N4BP2: variants seen among roughly 807,000 people sequenced by gnomAD.
N4BP2 encodes the protein NEDD4-binding protein 2.
Under a neutral mutation model 152.8 loss-of-function variants are expected in N4BP2, and 91 were observed. The ratio of observed to expected loss-of-function variants is 0.60; its 90% CI spans 0.50 to 0.71. The LOEUF is 0.71. Among genes scored for constraint, N4BP2 ranks in the 30% least tolerant of loss-of-function variants. N4BP2 has a pLI of 0.00. For missense variants in N4BP2, 1,923 were observed against 2,059.1 expected, an observed-to-expected ratio of 0.93 and a Z score of 1.28; for synonymous variants, 646 against 705.3, an observed-to-expected ratio of 0.92 and a Z score of 1.33.
intron 12 of N4BP2, 113 bp downstream of exon 12, chr4:40,126,443 T>A (rs186315806): frequency 1.9e-6 from 1 of 530,292 alleles, no homozygotes; most frequent in East Asian, 3.4e-5. Flanking sequence ...TTTAACCTGA[T>A]TGAATTTAAT....
chr4:40,063,426 A>G (rs1733808949), intron 1 of N4BP2, among the ~76,000 whole-genome samples: 1 of 152,104 alleles, frequency 6.6e-6, no homozygotes, highest in South Asian at 2.1e-4. Flanking sequence ...AGGGGTATCA[A>G]CTAGAACCTT....
At chr4:40,069,270 T>C (rs1711897414) in intron 1 of N4BP2, among the ~76,000 whole-genome samples, 1 of 151,576 alleles carries the variant, frequency 6.6e-6, no homozygotes, top group Admixed American at 6.6e-5. Flanking sequence ...AAACTCCGTT[T>C]CTACAAAAAA....
the N4BP2 span, among the ~76,000 whole-genome samples, chr4:40,180,159 T>A: frequency 6.6e-6 from 1 of 152,188 alleles, no homozygotes; most frequent in Middle Eastern, 3.2e-3. Context: ...GACTGAGAGA[T>A]AATGTCTGTA....
intron 13 of N4BP2, among the ~76,000 whole-genome samples, chr4:40,136,343 A>AATCT (rs56276709): frequency 0.22 from 30,586 of 136,520 alleles, 3,370 homozygotes; most frequent in Non-Finnish European, 0.25. Flanking sequence ...TTAGAAATTG[A>AATCT]ATCTATCTAT....
intron 2 of N4BP2, among the ~76,000 whole-genome samples, chr4:40,078,144 T>TGG (rs972776640): frequency 6.6e-6 from 1 of 151,714 alleles, no homozygotes; most frequent in Admixed American, 6.6e-5. Flanking sequence ...TGTGTGTGTG[T>TGG]GTGTATGTGT....
chr4:40,154,246 T>A lies in N4BP2; in HGVS notation c.*9T>A. 6.3e-7 allele frequency: 1 copy of A among 1,580,524 alleles called. No individual in the cohort carries two copies. The highest frequency in any genetic ancestry group is 8.6e-7 in the Non-Finnish European group (1 of 1,157,788). ...AAGTCATGCTAAAGTAAAATAAACATCCTTGAATTAGAAGTATGAAGGTTT... is the reference window on the plus strand; with the variant it reads ...AAGTCATGCTAAAGTAAAATAAACAACCTTGAATTAGAAGTATGAAGGTTT... On this transcript the variant is annotated 3_prime_UTR_variant, in exon 18 of 18. Coordinates refer to ENST00000261435, the MANE Select transcript of N4BP2 (RefSeq NM_018177.6).
chr4:40,186,408 G>A, the N4BP2 span, among the ~76,000 whole-genome samples: 3 of 152,158 alleles, frequency 2.0e-5, no homozygotes, highest in Non-Finnish European at 1.5e-5. Flanking sequence ...CTTTTCATCT[G>A]GTTCATCTAA....
At position 40,070,081 on chromosome 4, in the gene N4BP2, T is replaced by C. The variant is rs571661103; in HGVS notation, c.-211-3374T>C. On this transcript the variant is annotated intron_variant, in intron 1 of 17. Transcript: ENST00000261435. ...AAAACTTTCATTAGGAAAATAGAGA[T>C]ATAGAAAAGTAGTATGATACATTGA... is the stretch of plus-strand genomic sequence containing the variant. Among the ~76,000 whole-genome samples, 50 of 152,272 alleles carry C rather than the reference T, an allele frequency of 3.3e-4. No homozygotes were observed. The South Asian group carries it at 9.3e-3, about 28-fold the overall frequency.
chr4:40,072,184 T>G (rs1578952846), intron 1 of N4BP2, among the ~76,000 whole-genome samples: 1 of 151,130 alleles, frequency 6.6e-6, no homozygotes, highest in African/African-American at 2.4e-5. Context: ...AAGTGATTCT[T>G]GTGCGTCAGC....
intron 1 of N4BP2, among the ~76,000 whole-genome samples, chr4:40,062,700 GT>G (rs879312731): frequency 1.0e-3 from 158 of 152,100 alleles, no homozygotes; most frequent in Non-Finnish European, 2.0e-3. Context: ...AGGGGTCAGA[GT>G]TCTTAAATCT....
In N4BP2 at chr4:40,156,482, G is replaced by A. The variant is rs1721606764; in HGVS notation, c.*2245G>A. 6.6e-6 allele frequency: 1 copy of A among 152,104 alleles called. No homozygotes were observed. Among genetic ancestry groups the A allele is most frequent in the Admixed American group, 6.5e-5 (1 of 15,282 alleles). The allele number at this position is 152,104 out of a possible 1,614,324, so 9.4% of individuals were successfully genotyped here. ...TGAGCATCATATGTATTTTTATGAA[G>A]CTGCTTAATTCCAAATTGCCTCCCA... On this transcript the variant is annotated 3_prime_UTR_variant, in exon 18 of 18. Coordinates refer to ENST00000261435, the MANE Select transcript of N4BP2 (RefSeq NM_018177.6).
intron 16 of N4BP2, among the ~76,000 whole-genome samples, chr4:40,145,647 A>C (rs929304313): frequency 4.6e-5 from 7 of 152,204 alleles, no homozygotes; most frequent in African/African-American, 1.7e-4. Context: ...AGTATATAGA[A>C]GTGTTATGAA....
intron 2 of N4BP2, among the ~76,000 whole-genome samples, chr4:40,080,303 G>A (rs555752027): frequency 9.7e-4 from 132 of 136,700 alleles, no homozygotes; most frequent in Middle Eastern, 7.0e-3. Context: ...GGGAGATAGT[G>A]TGAGCTGTAT....
rs752590500 is a variant in N4BP2 at position 40,144,740 on chromosome 4, G to A, written c.5083G>A (p.Gly1695Arg). The A allele has an allele frequency of 1.1e-5, 18 of 1,614,032 alleles. No homozygotes were observed. In the East Asian group the frequency reaches 3.6e-4, roughly 32 times the overall value. ...LLPQNVLDLH[G>R]LHVDEALEHL... ...GCCACAGAATGTTTTAGACCTCCAT[G>A]GGCTGCATGTGGATGAAGCTCTAGA... is the stretch of plus-strand genomic sequence containing the variant. The change falls in exon 16 of 18, where the codon GGG becomes AGG. Residue 1695 changes from glycine to arginine, a missense_variant. Coordinates refer to ENST00000261435, the MANE Select transcript of N4BP2 (RefSeq NM_018177.6).
chr4:40,068,988 C>T (rs543299137), intron 1 of N4BP2, among the ~76,000 whole-genome samples: 27 of 151,512 alleles, frequency 1.8e-4, no homozygotes, highest in Non-Finnish European at 2.9e-4. Context: ...GGCATGGTGG[C>T]GGGCGCCTGT....
intron 7 of N4BP2, among the ~76,000 whole-genome samples, chr4:40,117,093 G>C (rs1278793684): frequency 6.6e-6 from 1 of 152,010 alleles, no homozygotes; most frequent in Non-Finnish European, 1.5e-5. Context: ...GCATTTGTTG[G>C]CTTCTGAAAT....
intron 5 of N4BP2, 30 bp downstream of exon 5, chr4:40,107,054 C>T (rs756061031): frequency 3.8e-6 from 6 of 1,599,032 alleles, no homozygotes; most frequent in African/African-American, 1.3e-5. Context: ...TTCTGGGTAA[C>T]GTTATGAGTA....
chr4:40,062,185 T>C (rs1733714499), intron 1 of N4BP2, among the ~76,000 whole-genome samples: 2 of 151,794 alleles, frequency 1.3e-5, no homozygotes, highest in Admixed American at 6.6e-5. Context: ...TTCAAGCGAT[T>C]CTCCTGCCTC....
chr4:40,122,214 C>T lies in N4BP2; in HGVS notation c.4103C>T (p.Ala1368Val). ...TEILNPTPAM[A>V]KSLTIDCLEL... ...ATATTGAATCCCACTCCAGCGATGG[C>T]CAAATCTCTGACCATAGACTGTCTG... Residue 1368 changes from alanine (A) to valine (V), a missense_variant, in exon 9 of 18, where the codon GCC (alanine) becomes GTC (valine). Physicochemically the swap from Ala to Val is moderately conservative, Grantham distance 64 (BLOSUM62 0). Transcript: ENST00000261435. The T allele has an allele frequency of 1.2e-6, 2 of 1,613,678 alleles. No individual in the cohort carries two copies. The highest frequency in any genetic ancestry group is 2.2e-5 in the South Asian group (2 of 91,028).
Sources: allele counts gnomAD v4.1 joint callset (sites outside exome capture counted in the v4.1 genomes callset), GRCh38; gene constraint gnomAD v4.1.1; transcripts MANE v1.5; gene names NCBI Gene and HGNC (gene_info 2026-07-23, HGNC 2026-07-21).